The following ADGRG6 variants were observed in gnomAD, a reference collection of about 807,000 sequenced individuals.
ADGRG6 encodes the protein G-protein coupled receptor 126.
ADGRG6 carries 84 observed loss-of-function variants against 142.4 expected under a neutral mutation model. The ratio of observed to expected loss-of-function variants is 0.59; its 90% CI spans 0.49 to 0.71. ADGRG6 has a LOEUF of 0.71. Ranked by LOEUF, ADGRG6 falls within the 30% of genes least tolerant of loss-of-function variation. The probability of loss-of-function intolerance (pLI) is 0.00; values close to 1 mark genes in which losing one functional copy is unlikely to be tolerated. For synonymous variants in ADGRG6, 521 were observed against 520.5 expected, an observed-to-expected ratio of 1.00 and a Z score of -0.01; for missense variants, 1,367 against 1,466.6, an observed-to-expected ratio of 0.93 and a Z score of 1.11.
At chr6:142,412,704 A>G (rs1005517931) in intron 18 of ADGRG6, among the ~76,000 whole-genome samples, 22 of 152,212 alleles carry the variant, frequency 1.4e-4, no homozygotes, top group African/African-American at 5.3e-4. Context: ...ATAAAAGAAA[A>G]TTCAGTTTCC....
intron 2 of ADGRG6, among the ~76,000 whole-genome samples, chr6:142,332,492 CTT>C (rs11314004): frequency 1.4e-4 from 20 of 141,704 alleles, no homozygotes; most frequent in South Asian, 2.2e-4. Flanking sequence ...ATGTTTTTTG[CTT>C]TTTTTTTTTT....
Position 142,382,027 on chromosome 6 carries a change from GC to G in ADGRG6, c.1138+11del. 2 of 1,558,646 alleles carry G rather than the reference GC, an allele frequency of 1.3e-6. No homozygotes were observed. The highest frequency in any genetic ancestry group is 1.8e-6 in the Non-Finnish European group (2 of 1,135,780). ...TGGGGACCCTCTGTCAAGGTAGGGA[GC>G]CCACACCGTGCTCTGGAATCTCTTT... On this transcript the variant is annotated intron_variant, in intron 5 of 24. Transcript: ENST00000367609.
intron 2 of ADGRG6, among the ~76,000 whole-genome samples, chr6:142,350,996 G>A (rs1368720451): frequency 3.3e-5 from 5 of 152,182 alleles, no homozygotes; most frequent in Admixed American, 3.3e-4. Context: ...AGCACTTTGG[G>A]AGGCCAAGGC....
chr6:142,316,678 G>T (rs948287529), intron 2 of ADGRG6, among the ~76,000 whole-genome samples: 1 of 152,084 alleles, frequency 6.6e-6, no homozygotes, highest in Non-Finnish European at 1.5e-5. Context: ...TAGTTTAGCT[G>T]TATCACTGGC....
At chr6:142,317,631 G>A (rs968007156) in intron 2 of ADGRG6, among the ~76,000 whole-genome samples, 9 of 142,120 alleles carry the variant, frequency 6.3e-5, no homozygotes, top group Non-Finnish European at 1.4e-4. Context: ...TAAATGAGCG[G>A]TGTGTGTGTA....
At chr6:142,422,293 T>A (rs1776696437) in intron 22 of ADGRG6, among the ~76,000 whole-genome samples, 2 of 152,116 alleles carry the variant, frequency 1.3e-5, no homozygotes, top group South Asian at 4.1e-4. Context: ...TAGGTATATC[T>A]CCCAATGCTA....
intron 2 of ADGRG6, among the ~76,000 whole-genome samples, chr6:142,330,672 T>A (rs1182809860): frequency 6.6e-6 from 1 of 152,188 alleles, no homozygotes; most frequent in Non-Finnish European, 1.5e-5. Flanking sequence ...TGATTTTCTA[T>A]AACCTTATAG....
intron 2 of ADGRG6, among the ~76,000 whole-genome samples, chr6:142,361,410 CCGG>C (rs1780708979): frequency 2.0e-5 from 3 of 152,082 alleles, no homozygotes; most frequent in African/African-American, 7.2e-5. Flanking sequence ...CTGAGATCCT[CCGG>C]CCAAACAGAA....
chr6:142,355,487 G>A (rs1401482526), intron 2 of ADGRG6, among the ~76,000 whole-genome samples: 2 of 151,934 alleles, frequency 1.3e-5, no homozygotes, highest in Non-Finnish European at 2.9e-5. Context: ...AAGCTAAATG[G>A]TAATCAAGAG....
chr6:142,344,312 A>G (rs1298926046), intron 2 of ADGRG6, among the ~76,000 whole-genome samples: 1 of 151,986 alleles, frequency 6.6e-6, no homozygotes, highest in Non-Finnish European at 1.5e-5. Context: ...TCTTTATGCT[A>G]TAATTTTGCA....
chr6:142,413,899 TCACACACACA>T lies in ADGRG6; in HGVS notation c.2542-1041_2542-1032del, dbSNP rs112923600. 2.3e-3 allele frequency among the ~76,000 whole-genome samples: 329 copies of T among 141,486 alleles called. 2 individuals carry two copies. Among genetic ancestry groups the T allele is most frequent in the African/African-American group, 7.2e-3 (274 of 38,202 alleles). 92.8% of individuals were successfully genotyped at this position (141,486 alleles called of 152,430 possible). ...CCTGAAACTAACCCACATTTCTTTA[TCACACACACA>T]CACACACACACACACACACACACAC... On this transcript the variant is annotated intron_variant, in intron 18 of 24. Transcript: ENST00000367609.
rs1264304743 is a variant in ADGRG6 at position 142,309,628 on chromosome 6, G to GTGT, written c.88_90dup (p.Cys30dup). On this transcript the variant is annotated inframe_insertion, in exon 2 of 25. Coordinates refer to ENST00000367609, the MANE Select transcript of ADGRG6 (RefSeq NM_198569.3). ...TGTTCTTATTTGCTTTATATATCAT[G>GTGT]TGTGTTCCTCACTCAGGTAAGACTC... 6.3e-7 allele frequency: 1 copy of GTGT among 1,598,130 alleles called. No homozygotes were observed. The highest frequency in any genetic ancestry group is 8.5e-7 in the Non-Finnish European group (1 of 1,170,082).
intron 14 of ADGRG6, 177 bp from the exon 15 acceptor site, chr6:142,405,511 G>T: frequency 1.5e-6 from 1 of 679,438 alleles, no homozygotes; most frequent in Non-Finnish European, 2.7e-6. Flanking sequence ...GAGATCTACA[G>T]CTCTGTCTGT....
chr6:142,371,168 G>T (rs1781233453), intron 4 of ADGRG6, among the ~76,000 whole-genome samples: 2 of 150,264 alleles, frequency 1.3e-5, no homozygotes, highest in Admixed American at 6.6e-5. Context: ...TAAGTTATTG[G>T]TATTTTTTTT....
intron 20 of ADGRG6, among the ~76,000 whole-genome samples, chr6:142,416,564 T>C (rs1457874817): frequency 6.6e-6 from 1 of 152,210 alleles, no homozygotes; most frequent in Non-Finnish European, 1.5e-5. Flanking sequence ...CATAGGTGGT[T>C]GTATTAACCT....
chr6:142,396,031 G>T (rs968929884), intron 9 of ADGRG6, among the ~76,000 whole-genome samples: 1 of 152,162 alleles, frequency 6.6e-6, no homozygotes, highest in Non-Finnish European at 1.5e-5. Flanking sequence ...TTTTCAGGAT[G>T]AGAGAGGAAA....
intron 14 of ADGRG6, chr6:142,405,167 A>G (rs1775732825): frequency 2.9e-6 from 1 of 342,490 alleles, no homozygotes; most frequent in African/African-American, 2.1e-5. Flanking sequence ...AGTAAAACTC[A>G]GTCAACCTCC....
At chr6:142,330,712 G>GCAAA (rs896854755) in intron 2 of ADGRG6, among the ~76,000 whole-genome samples, 1 of 152,108 alleles carries the variant, frequency 6.6e-6, no homozygotes, top group Non-Finnish European at 1.5e-5. Flanking sequence ...GCTGAAAGTT[G>GCAAA]CAAATATTGT....
intron 2 of ADGRG6, among the ~76,000 whole-genome samples, chr6:142,344,779 C>T (rs1228807704): frequency 6.6e-6 from 1 of 151,942 alleles, no homozygotes; most frequent in Non-Finnish European, 1.5e-5. Context: ...AGAAGAGATA[C>T]ACAGACACAG....
Sources: allele counts gnomAD v4.1 joint callset (sites outside exome capture counted in the v4.1 genomes callset), GRCh38; gene constraint gnomAD v4.1.1; transcripts MANE v1.5; gene names NCBI Gene and HGNC (gene_info 2026-07-23, HGNC 2026-07-21).